The following SPEG variants were observed in gnomAD, a reference collection of about 807,000 sequenced individuals.
SPEG encodes striated muscle enriched protein kinase.
A neutral mutation model predicts 300.4 loss-of-function variants in SPEG; 114 were observed. That is an observed-to-expected ratio of 0.38 (90% CI 0.33 to 0.44). SPEG has a LOEUF of 0.44. Among genes scored for constraint, SPEG ranks in the 20% least tolerant of loss-of-function variants. The pLI is 1.00. For synonymous variants in SPEG, 1,964 were observed against 2,018.9 expected, an observed-to-expected ratio of 0.97 and a Z score of 0.73; for missense variants, 4,201 against 4,586.2, an observed-to-expected ratio of 0.92 and a Z score of 2.43.
At chr2:219,453,716 C>T (rs977334627) in intron 6 of SPEG, among the ~76,000 whole-genome samples, 2 of 152,196 alleles carry the variant, frequency 1.3e-5, no homozygotes, top group Non-Finnish European at 2.9e-5. Context: ...CAGGCTGGCT[C>T]GGGGGCCCCA....
chr2:219,478,839 G>T (rs1199868117), intron 22 of SPEG, among the ~76,000 whole-genome samples: 1 of 152,154 alleles, frequency 6.6e-6, no homozygotes, highest in Non-Finnish European at 1.5e-5. Context: ...TGCTTTACAG[G>T]GTGGGCAGGA....
chr2:219,484,578 T>C lies in SPEG; in HGVS notation c.7115T>C (p.Ile2372Thr), dbSNP rs758390924. The C allele has an allele frequency of 3.2e-6, 5 of 1,582,820 alleles. No individual in the cohort carries two copies. The highest frequency in any genetic ancestry group is 4.3e-6 in the Non-Finnish European group (5 of 1,168,500). ...PFRGAEEEDG[I>T]YRPSPAGTPL... ...CGTGGGGCCGAGGAGGAGGATGGCA[T>C]ATACCGGCCCAGCCCGGCGGGGACC... The change falls in exon 30 of 41, where the codon ATA becomes ACA. Residue 2372 changes from isoleucine (I) to threonine (T), a missense_variant. Physicochemically the swap from Ile to Thr is moderately conservative, Grantham distance 89. Coordinates refer to ENST00000312358, the MANE Select transcript of SPEG (RefSeq NM_005876.5).
chr2:219,492,362 G>C, intron 40 of SPEG, 102 bp downstream of exon 40: 2 of 1,359,834 alleles, frequency 1.5e-6, no homozygotes, highest in Non-Finnish European at 2.0e-6. Flanking sequence ...GAAGAAGTCT[G>C]CTGCTTCTAC....
At position 219,484,065 on chromosome 2, in the gene SPEG, A is replaced by T; in HGVS notation, c.6602A>T (p.Asp2201Val). The T allele has an allele frequency of 6.2e-7, 1 of 1,613,450 alleles. No homozygotes were observed. The highest frequency in any genetic ancestry group is 8.5e-7 in the Non-Finnish European group (1 of 1,179,814). Residue 2201 changes from aspartate (D) to valine (V), a missense_variant, in exon 30 of 41, where the codon GAT (aspartate) becomes GTT (valine). Asp to Val is a radical substitution (Grantham distance 152). Transcript: ENST00000312358. Reference protein sequence around the residue: ...SAEPSATTPSDAPQPPAPQPA... With the variant: ...SAEPSATTPSVAPQPPAPQPA... ...GAACCTTCTGCCACCACACCTAGTG[A>T]TGCTCCGCAGCCCCCCGCACCCCAG...
Position 219,441,822 on chromosome 2 carries a change from G to A in SPEG, c.389-2831G>A, listed in dbSNP as rs1377803442. ...GGACAGGACAAGGAAGGGGCCCCAGGTGGGGTGCAGGCTGGCGAGGGAGGG... is the reference window on the plus strand; with the variant it reads ...GGACAGGACAAGGAAGGGGCCCCAGATGGGGTGCAGGCTGGCGAGGGAGGG... On this transcript the variant is annotated intron_variant, in intron 1 of 40. Transcript: ENST00000312358. Among the ~76,000 whole-genome samples, 4 of 151,856 alleles carry A rather than the reference G, an allele frequency of 2.6e-5. No individual in the cohort carries two copies. The East Asian group carries it at 7.8e-4, about 30-fold the overall frequency.
chr2:219,488,594 C>T lies in SPEG; in HGVS notation c.7955C>T (p.Ala2652Val). ...LSIPRAGKRHAGLYECSATNV... is the reference protein window; with the variant it reads ...LSIPRAGKRHVGLYECSATNV... Reference sequence around the variant, plus strand: ...ATCCCCCGGGCGGGCAAGCGGCACGCCGGTCTCTATGAGTGCTCGGCCACC... The same window carrying T: ...ATCCCCCGGGCGGGCAAGCGGCACGTCGGTCTCTATGAGTGCTCGGCCACC... Residue 2652 changes from alanine to valine, a missense_variant, in exon 33 of 41, where the codon GCC (alanine) becomes GTC (valine). Around this residue, in one of 4 missense-constraint regions of SPEG, gnomAD observed 1,578 missense variants for 1,506.0 expected, o/e 1.05. Transcript: ENST00000312358. The T allele has an allele frequency of 1.2e-6, 2 of 1,612,334 alleles. No individual in the cohort carries two copies. The highest frequency in any genetic ancestry group is 2.2e-5 in the South Asian group (2 of 90,950).
In SPEG at chr2:219,467,407, T is replaced by C; in HGVS notation, c.3115T>C (p.Tyr1039His). ...TGTACATGAGGACGACAGTGGCGTCTACACCTGCAAGCTCAGCACGGCCAA... is the reference window on the plus strand; with the variant it reads ...TGTACATGAGGACGACAGTGGCGTCCACACCTGCAAGCTCAGCACGGCCAA... ...TSVHEDDSGV[Y>H]TCKLSTAKDE... is the part of the protein sequence containing the mutation. Residue 1039 changes from tyrosine (Y) to histidine (H), a missense_variant, in exon 10 of 41, where the codon TAC becomes CAC. Transcript: ENST00000312358. The C allele has an allele frequency of 6.2e-7, 1 of 1,610,972 alleles. No individual in the cohort carries two copies. Among genetic ancestry groups the C allele is most frequent in the Non-Finnish European group, 8.5e-7 (1 of 1,179,130 alleles).
intron 6 of SPEG, among the ~76,000 whole-genome samples, chr2:219,453,586 A>G (rs1689937239): frequency 6.6e-6 from 1 of 152,122 alleles, no homozygotes; most frequent in Non-Finnish European, 1.5e-5. Context: ...TGTATTTCCC[A>G]GCCCCTGTGT....
At chr2:219,461,471 G>A in intron 6 of SPEG, 1 of 1,051,514 alleles carries the variant, frequency 9.5e-7, no homozygotes, top group Non-Finnish European at 1.1e-6. Flanking sequence ...TAGCCATGCT[G>A]CTCCAGGGTT....
chr2:219,460,079 C>T (rs977366365), intron 6 of SPEG, among the ~76,000 whole-genome samples: 8 of 152,240 alleles, frequency 5.3e-5, no homozygotes, highest in East Asian at 3.8e-4. Context: ...AGGCAGCCCC[C>T]GCTGTCCTCT....
At chr2:219,454,362 GC>G (rs1221460619) in intron 6 of SPEG, among the ~76,000 whole-genome samples, 1 of 152,100 alleles carries the variant, frequency 6.6e-6, no homozygotes, top group East Asian at 1.9e-4. Flanking sequence ...TTCTCCCAAA[GC>G]GGATGTGTGG....
chr2:219,492,643 G>A lies in SPEG; in HGVS notation c.9661G>A (p.Ala3221Thr), dbSNP rs530008202. Residue 3221 changes from alanine (A) to threonine (T), a missense_variant, in exon 41 of 41, where the codon GCC becomes ACC. Transcript: ENST00000312358. ...DCLAHPWLQD[A>T]YLMKLRRQTL... ...CCTGGCCCACCCATGGTTGCAGGAC[G>A]CCTACCTGATGAAGCTGCGCCGCCA... 570 of 1,611,312 alleles carry A rather than the reference G, an allele frequency of 3.5e-4. 6 individuals are homozygous for A. The South Asian group carries it at 5.6e-3, about 16-fold the overall frequency.
Position 219,443,368 on chromosome 2 carries a change from T to C in SPEG, c.389-1285T>C. 1 of 603,432 alleles carries C rather than the reference T, an allele frequency of 1.7e-6. No homozygotes were observed. Among genetic ancestry groups the C allele is most frequent in the Non-Finnish European group, 3.0e-6 (1 of 332,416 alleles). 37.4% of individuals were successfully genotyped at this position (603,432 alleles called of 1,614,324 possible). A position where few individuals can be genotyped will look rare whatever the true frequency, so the allele number is the denominator to read the frequency against. ...GGAGGGCGGCTCACTAGCACACCCC[T>C]GCATGGACTGGGTGCCCTGTTCTCC... On this transcript the variant is annotated intron_variant, in intron 1 of 40. Coordinates refer to ENST00000312358, the MANE Select transcript of SPEG (RefSeq NM_005876.5). The surrounding 1 kb of genome is among the most constrained non-coding windows in gnomAD (Gnocchi z 4.6).
rs370507745 is a variant in SPEG, at chr2:219,471,829, C to T, written c.3716-39C>T. Reference sequence around the variant, plus strand: ...ATGGGCCTACCCCTCAAGGTATCCTCCGGGCTCAGGCCCAGTGTCACTGTC... The same window carrying T: ...ATGGGCCTACCCCTCAAGGTATCCTTCGGGCTCAGGCCCAGTGTCACTGTC... On this transcript the variant is annotated intron_variant, in intron 13 of 40. Coordinates refer to ENST00000312358, the MANE Select transcript of SPEG (RefSeq NM_005876.5). 74 of 1,612,306 alleles carry T rather than the reference C, an allele frequency of 4.6e-5. No homozygotes were observed. In the African/African-American group the frequency reaches 9.7e-4, roughly 21 times the overall value.
At position 219,473,948 on chromosome 2, in the gene SPEG, A is replaced by T. The variant is rs777982825; in HGVS notation, c.4447+45A>T. On this transcript the variant is annotated intron_variant, in intron 18 of 40. Transcript: ENST00000312358. The surrounding 1 kb of genome is among the most constrained non-coding windows in gnomAD (Gnocchi z 4.6). ...CTTCCTAGCCTCCCTCCAAGGCCCA[A>T]AGCTCTCTACTCACACCCCCAGGTA... The T allele has an allele frequency of 1.9e-6, 3 of 1,565,158 alleles. No homozygotes were observed. The East Asian group carries it at 6.8e-5, about 35-fold the overall frequency.
rs144306166 is a variant in SPEG, at chr2:219,480,774, C to G, written c.5369+77C>G. 2.0e-3 allele frequency: 2,730 copies of G among 1,377,608 alleles called. 12 individuals carry two copies. Among genetic ancestry groups the G allele is most frequent in the Middle Eastern group, 0.012 (65 of 5,622 alleles). 85.3% of individuals were successfully genotyped at this position (1,377,608 alleles called of 1,614,324 possible). ...ACCTTTGCAGGGCTGCAGCCCACCC[C>G]CTTCTCTTCCGCACCCCCCACTCCT... On this transcript the variant is annotated intron_variant, in intron 26 of 40. Coordinates refer to ENST00000312358, the MANE Select transcript of SPEG (RefSeq NM_005876.5). The surrounding 1 kb of genome is among the most constrained non-coding windows in gnomAD (Gnocchi z 5.3).
At chr2:219,453,073 T>A (rs1427623122) in intron 6 of SPEG, among the ~76,000 whole-genome samples, 1 of 152,178 alleles carries the variant, frequency 6.6e-6, no homozygotes, top group East Asian at 1.9e-4. Context: ...TGTCCTTCCA[T>A]CACCTCCGGG....
rs777633591 is a variant in SPEG, at chr2:219,477,817, C to T, written c.4826+32C>T. The T allele has an allele frequency of 1.0e-5, 16 of 1,592,924 alleles. No homozygotes were observed. Among genetic ancestry groups the T allele is most frequent in the Non-Finnish European group, 1.0e-5 (12 of 1,165,374 alleles). ...GGCTAGGAGGGAAGCCAGTGGGGGC[C>T]GAGAGAGGCTGCTGGGTCTGAGGGT... On this transcript the variant is annotated intron_variant, in intron 21 of 40. Transcript: ENST00000312358. The surrounding 1 kb of genome is among the most constrained non-coding windows in gnomAD (Gnocchi z 6.4).
chr2:219,465,802 C>T (rs1156567472), intron 9 of SPEG: 8 of 587,942 alleles, frequency 1.4e-5, no homozygotes, highest in East Asian at 6.1e-5. Context: ...CGTGCCTGTG[C>T]GTGCATGTGT....
Sources: gnomAD v4.1 joint callset for allele counts (sites outside exome capture counted in the v4.1 genomes callset) on GRCh38, gnomAD v4.1.1 for gene constraint, gnomAD v4.1.1 regional missense constraint, Gnocchi (gnomAD v3.1) non-coding constraint, MANE v1.5 for transcripts, NCBI Gene and HGNC (gene_info 2026-07-23, HGNC 2026-07-21) for gene names.